The following DCDC1 variants were observed in gnomAD, a reference collection of about 807,000 sequenced individuals.
DCDC1 encodes the protein doublecortin domain-containing protein 1.
In DCDC1, 200 loss-of-function variants were observed where a neutral mutation model predicts 178.3. That is an observed-to-expected ratio of 1.12 (90% CI 1.00 to 1.26). The LOEUF is 1.26. Among genes scored for constraint, DCDC1 ranks in the 50% most tolerant of loss-of-function variants. DCDC1 has a pLI of 0.00. For synonymous variants in DCDC1, 690 were observed against 604.8 expected, an observed-to-expected ratio of 1.14 and a Z score of -2.07; for missense variants, 1,983 against 1,749.2, an observed-to-expected ratio of 1.13 and a Z score of -2.38.
chr11:31,322,413 C>T (rs1004010241), intron 3 of DCDC1, among the ~76,000 whole-genome samples: 1 of 152,102 alleles, frequency 6.6e-6, no homozygotes, highest in Non-Finnish European at 1.5e-5. Flanking sequence ...CCTTATATGT[C>T]CATGGAAAGT....
At chr11:31,205,672 T>C (rs575627575) in intron 9 of DCDC1, among the ~76,000 whole-genome samples, 7 of 152,314 alleles carry the variant, frequency 4.6e-5, no homozygotes, top group Admixed American at 3.9e-4. Context: ...AAGTTATGCA[T>C]AGGTATTTCC....
chr11:31,204,885 A>T (rs759768374), intron 9 of DCDC1, among the ~76,000 whole-genome samples: 28 of 152,244 alleles, frequency 1.8e-4, no homozygotes, highest in Middle Eastern at 6.8e-3. Context: ...ATGGCTCAGT[A>T]AAAAGGCAGG....
At chr11:31,100,832 T>C (rs565863424) in intron 15 of DCDC1, among the ~76,000 whole-genome samples, 1 of 152,300 alleles carries the variant, frequency 6.6e-6, no homozygotes, top group East Asian at 1.9e-4. Context: ...AAAATAATGC[T>C]ACAGCAAAAA....
intron 3 of DCDC1, among the ~76,000 whole-genome samples, chr11:31,308,967 G>C (rs890789565): frequency 1.3e-5 from 2 of 151,028 alleles, no homozygotes; most frequent in Non-Finnish European, 2.9e-5. Flanking sequence ...TATGTTCAGT[G>C]TTGAAAGCTC....
chr11:31,368,407 C>T (rs576564256), intron 1 of DCDC1, among the ~76,000 whole-genome samples: 2 of 152,314 alleles, frequency 1.3e-5, no homozygotes, highest in Admixed American at 6.5e-5. Context: ...TTCAAGGTGG[C>T]ATCATTCTGA....
intron 7 of DCDC1, among the ~76,000 whole-genome samples, chr11:31,274,759 G>A (rs1945856500): frequency 6.6e-6 from 1 of 150,622 alleles, no homozygotes; most frequent in Non-Finnish European, 1.5e-5. Context: ...GGAGTGCAAT[G>A]GCATGGTCTC....
intron 9 of DCDC1, among the ~76,000 whole-genome samples, chr11:31,198,335 T>A (rs1970922226): frequency 6.6e-6 from 1 of 152,034 alleles, no homozygotes; most frequent in Admixed American, 6.6e-5. Flanking sequence ...ATGGGACTTG[T>A]CTTGAAGGGG....
chr11:31,199,209 T>C (rs1971025258), intron 9 of DCDC1, among the ~76,000 whole-genome samples: 1 of 152,084 alleles, frequency 6.6e-6, no homozygotes, highest in Admixed American at 6.6e-5. Context: ...CTGTGAGATA[T>C]AAACTCCCTG....
At chr11:31,080,522 T>C (rs983367489) in intron 17 of DCDC1, among the ~76,000 whole-genome samples, 3 of 152,220 alleles carry the variant, frequency 2.0e-5, no homozygotes, top group African/African-American at 4.8e-5. Context: ...CATAATGTTT[T>C]TATACAACTG....
chr11:30,920,347 A>T (rs1946157384), intron 25 of DCDC1, among the ~76,000 whole-genome samples: 1 of 152,196 alleles, frequency 6.6e-6, no homozygotes. Flanking sequence ...TTAGAGGGGA[A>T]TTGGAAGGAA....
At chr11:30,917,448 T>C (rs1011973098) in intron 25 of DCDC1, among the ~76,000 whole-genome samples, 1 of 152,220 alleles carries the variant, frequency 6.6e-6, no homozygotes, top group Non-Finnish European at 1.5e-5. Flanking sequence ...TAAAGTTTAC[T>C]CATTAGACAA....
intron 20 of DCDC1, among the ~76,000 whole-genome samples, chr11:30,961,566 T>C (rs75131729): frequency 0.02 from 3,039 of 152,158 alleles, 90 homozygotes; most frequent in African/African-American, 0.068. Flanking sequence ...TTTTCAGTTT[T>C]TAGGATTACC....
intron 23 of DCDC1, among the ~76,000 whole-genome samples, chr11:30,923,352 G>A (rs984695419): frequency 5.3e-5 from 8 of 149,812 alleles, no homozygotes; most frequent in African/African-American, 2.0e-4. Flanking sequence ...AAATGTCAAT[G>A]TGGCTATTGC....
chr11:31,015,189 C>T (rs1011796157), intron 20 of DCDC1, among the ~76,000 whole-genome samples: 3 of 152,096 alleles, frequency 2.0e-5, no homozygotes, highest in Non-Finnish European at 2.9e-5. Context: ...ACCTCGTGAT[C>T]CACCAGCCTC....
chr11:31,251,031 G>A (rs1943996635), intron 8 of DCDC1, among the ~76,000 whole-genome samples: 1 of 152,104 alleles, frequency 6.6e-6, no homozygotes. Context: ...GGGATTATAG[G>A]TGTGAGCCAC....
chr11:30,924,315 C>T (rs143097463), intron 23 of DCDC1, among the ~76,000 whole-genome samples: 5 of 152,266 alleles, frequency 3.3e-5, no homozygotes, highest in African/African-American at 7.2e-5. Flanking sequence ...CTCCACCCTG[C>T]GATTCTGCCT....
chr11:31,009,967 A>G (rs867168551), intron 20 of DCDC1, among the ~76,000 whole-genome samples: 24 of 152,348 alleles, frequency 1.6e-4, no homozygotes, highest in African/African-American at 5.3e-4. Flanking sequence ...GTGAGAACAC[A>G]TTCACTATCA....
At chr11:31,050,644 G>A (rs888723898) in intron 20 of DCDC1, among the ~76,000 whole-genome samples, 3 of 152,116 alleles carry the variant, frequency 2.0e-5, no homozygotes, top group Non-Finnish European at 4.4e-5. Flanking sequence ...TGGTATCCTC[G>A]GCTGAGAGAC....
intron 20 of DCDC1, among the ~76,000 whole-genome samples, chr11:31,058,291 T>C (rs1458221851): frequency 1.3e-5 from 2 of 152,120 alleles, no homozygotes; most frequent in South Asian, 2.1e-4. Context: ...ATCATACCCC[T>C]TCATTCATTT....
Sources: gnomAD v4.1 joint callset for allele counts (sites outside exome capture counted in the v4.1 genomes callset) on GRCh38, gnomAD v4.1.1 for gene constraint, MANE v1.5 for transcripts, NCBI Gene and HGNC (gene_info 2026-07-23, HGNC 2026-07-21) for gene names.